Variants in SGK1 observed in about 807,000 individuals in gnomAD.
The protein encoded by SGK1 is serum/glucocorticoid regulated kinase 1.
Under a neutral mutation model 64.2 loss-of-function variants are expected in SGK1, and 26 were observed. The observed-to-expected ratio is 0.40, with a 90% CI of 0.30 to 0.56. The LOEUF (loss-of-function observed/expected upper bound fraction) is 0.56. Among genes scored for constraint, SGK1 ranks in the 20% least tolerant of loss-of-function variants. The pLI, the probability that SGK1 is intolerant of heterozygous loss-of-function variation, is 0.38. For missense variants in SGK1, 519 were observed against 645.6 expected (o/e 0.80, Z 2.12); for synonymous variants, 265 against 239.7 (o/e 1.11, Z -0.98).
chr6:134,314,190 A>G (rs1777644630), intron 1 of SGK1, among the ~76,000 whole-genome samples: 2 of 148,626 alleles, frequency 1.3e-5, no homozygotes, highest in African/African-American at 4.8e-5. Flanking sequence ...TTGTAGAACT[A>G]GCATCCGGAC....
chr6:134,172,000 C>G, intron 10 of SGK1, 193 bp downstream of exon 10: 1 of 738,384 alleles, frequency 1.4e-6, no homozygotes, highest in Non-Finnish European at 2.2e-6. Flanking sequence ...CAAACAGCTA[C>G]TTTTCAGTAA....
intron 2 of SGK1, among the ~76,000 whole-genome samples, chr6:134,208,704 A>AT (rs1219261641): frequency 1.3e-5 from 2 of 151,698 alleles, no homozygotes; most frequent in African/African-American, 4.8e-5. Context: ...TGCAAATGCT[A>AT]TTATTTTGTT....
intron 1 of SGK1, among the ~76,000 whole-genome samples, chr6:134,282,898 A>G (rs184478793): frequency 6.6e-6 from 1 of 151,884 alleles, no homozygotes; most frequent in East Asian, 1.9e-4. Context: ...ATTTCTCTGG[A>G]GAACCCTAAC....
intron 3 of SGK1, among the ~76,000 whole-genome samples, chr6:134,191,835 A>ATTTTTTTTTTT (rs71003671): frequency 0.38 from 23,291 of 60,534 alleles, 7,926 homozygotes; most frequent in South Asian, 0.47. Context: ...CGCCCGGCTG[A>ATTTTTTTTTTT]TTTTTTTTTT....
At chr6:134,236,803 T>TG (rs1298004807) in intron 2 of SGK1, among the ~76,000 whole-genome samples, 5 of 151,684 alleles carry the variant, frequency 3.3e-5, no homozygotes, top group African/African-American at 1.2e-4. Context: ...CAGAATGAAA[T>TG]GGTTTGCTAC....
intron 1 of SGK1, among the ~76,000 whole-genome samples, chr6:134,289,700 C>T (rs1453654028): frequency 6.6e-6 from 1 of 152,004 alleles, no homozygotes; most frequent in Non-Finnish European, 1.5e-5. Flanking sequence ...TCAATAGTCA[C>T]ATGTAGCTGG....
chr6:134,309,833 T>C (rs970782548), intron 1 of SGK1, among the ~76,000 whole-genome samples: 2 of 152,142 alleles, frequency 1.3e-5, no homozygotes, highest in Non-Finnish European at 2.9e-5. Flanking sequence ...TTTCTGCCAA[T>C]GTTAGGAATG....
intron 2 of SGK1, chr6:134,214,998 A>G (rs1775953972): frequency 2.3e-6 from 1 of 442,394 alleles, no homozygotes; most frequent in African/African-American, 2.1e-5. Flanking sequence ...ATCTAGAAGT[A>G]TTGTCATAGG....
chr6:134,237,664 A>G (rs1049429146), intron 2 of SGK1, among the ~76,000 whole-genome samples: 1 of 152,176 alleles, frequency 6.6e-6, no homozygotes, highest in South Asian at 2.1e-4. Context: ...AGTGACAGTG[A>G]GGCTCTGTCT....
chr6:134,289,595 T>C (rs1381095965), intron 1 of SGK1, among the ~76,000 whole-genome samples: 3 of 152,224 alleles, frequency 2.0e-5, no homozygotes, highest in African/African-American at 7.2e-5. Context: ...TGAAATATTT[T>C]ATATTCTCTT....
At chr6:134,297,419 G>A (rs1777376217) in intron 1 of SGK1, 8 of 712,682 alleles carry the variant, frequency 1.1e-5, no homozygotes, top group South Asian at 6.7e-5. Flanking sequence ...CGGCATCTGC[G>A]ATGGCAGTCT....
At chr6:134,313,534 T>C (rs1383228870) in intron 1 of SGK1, among the ~76,000 whole-genome samples, 1 of 151,670 alleles carries the variant, frequency 6.6e-6, no homozygotes, top group Non-Finnish European at 1.5e-5. Flanking sequence ...TAGTTTGATG[T>C]TGAGAACTTA....
At chr6:134,243,887 G>A (rs1776485747) in intron 2 of SGK1, among the ~76,000 whole-genome samples, 1 of 152,000 alleles carries the variant, frequency 6.6e-6, no homozygotes, top group Admixed American at 6.6e-5. Context: ...GTCTTGATGT[G>A]ACAAAGTTGA....
At chr6:134,301,761 T>A (rs1301388957) in intron 1 of SGK1, among the ~76,000 whole-genome samples, 3 of 152,082 alleles carry the variant, frequency 2.0e-5, no homozygotes, top group Non-Finnish European at 4.4e-5. Context: ...GGCTATTTTT[T>A]TTATTATTAT....
chr6:134,260,440 C>A (rs1258897097), intron 2 of SGK1: 1 of 143,790 alleles, frequency 7.0e-6, no homozygotes, highest in Non-Finnish European at 1.5e-5. Flanking sequence ...GGAAAGCCGA[C>A]GCAGGTGGAT....
chr6:134,309,271 T>G (rs1215791700), intron 1 of SGK1, among the ~76,000 whole-genome samples: 1 of 152,200 alleles, frequency 6.6e-6, no homozygotes, highest in Non-Finnish European at 1.5e-5. Flanking sequence ...AAACAAACTA[T>G]AATAATAATC....
Position 134,317,713 on chromosome 6 carries a change from G to A in SGK1, c.-253C>T, listed in dbSNP as rs867477256. 2.2e-6 allele frequency: 1 copy of A among 461,978 alleles called. No homozygotes were observed. The highest frequency in any genetic ancestry group is 3.9e-6 in the Non-Finnish European group (1 of 258,384). 28.6% of individuals were successfully genotyped at this position (461,978 alleles called of 1,614,324 possible). A position where few individuals can be genotyped will look rare whatever the true frequency, so the allele number is the denominator to read the frequency against. On this transcript the variant is annotated 5_prime_UTR_variant, in exon 1 of 14. Transcript: ENST00000367858. Reference sequence around the variant, plus strand: ...GCTCCGAAACATATGCATCACCGCTGCAGGACCCTGGGGGCCGGACGGTGG... The same window carrying A: ...GCTCCGAAACATATGCATCACCGCTACAGGACCCTGGGGGCCGGACGGTGG...
At chr6:134,182,585 G>A (rs983249518) in intron 3 of SGK1, among the ~76,000 whole-genome samples, 1 of 151,962 alleles carries the variant, frequency 6.6e-6, no homozygotes, top group Non-Finnish European at 1.5e-5. Context: ...ATATTTGCCA[G>A]CCCCACCCTA....
chr6:134,269,572 C>A (rs1776908838), intron 1 of SGK1, among the ~76,000 whole-genome samples: 1 of 146,170 alleles, frequency 6.8e-6, no homozygotes, highest in African/African-American at 2.4e-5. Flanking sequence ...GCAGGAGAAT[C>A]CCTTGAACCC....
Sources: allele counts gnomAD v4.1 joint callset (sites outside exome capture counted in the v4.1 genomes callset), GRCh38; gene constraint gnomAD v4.1.1; transcripts MANE v1.5; gene names NCBI Gene and HGNC (gene_info 2026-07-23, HGNC 2026-07-21).